LTBP1: variants seen among roughly 807,000 people sequenced by gnomAD.
The protein encoded by LTBP1 is latent-transforming growth factor beta-binding protein 1.
A neutral mutation model predicts 207.6 loss-of-function variants in LTBP1; 129 were observed. The observed-to-expected ratio is 0.62, with a 90% CI of 0.54 to 0.72. The LOEUF is 0.72. Among genes scored for constraint, LTBP1 ranks in the 30% least tolerant of loss-of-function variants. The pLI, the probability that LTBP1 is intolerant of heterozygous loss-of-function variation, is 0.00. For missense variants in LTBP1, 2,281 were observed against 2,217.2 expected (o/e 1.03, Z -0.58); for synonymous variants, 963 against 833.7 (o/e 1.16, Z -2.67).
intron 3 of LTBP1, among the ~76,000 whole-genome samples, chr2:33,102,904 T>C (rs1249597218): frequency 6.6e-6 from 1 of 151,850 alleles, no homozygotes; most frequent in Non-Finnish European, 1.5e-5. Context: ...GTCTGTATGC[T>C]GTATGCACTG....
intron 2 of LTBP1, among the ~76,000 whole-genome samples, chr2:32,984,692 G>A (rs962034788): frequency 3.3e-5 from 5 of 151,810 alleles, no homozygotes; most frequent in African/African-American, 9.7e-5. Context: ...AGGCCGAGGC[G>A]GATGGATCAC....
intron 9 of LTBP1, among the ~76,000 whole-genome samples, chr2:33,233,555 T>G (rs921417286): frequency 1.3e-5 from 2 of 152,120 alleles, no homozygotes; most frequent in African/African-American, 4.8e-5. Flanking sequence ...ATTAAAATTT[T>G]TAATTGGGTT....
intron 17 of LTBP1, 136 bp downstream of exon 17, chr2:33,275,226 G>T: frequency 1.0e-6 from 1 of 1,002,800 alleles, no homozygotes; most frequent in Non-Finnish European, 1.4e-6. Context: ...CAGTCTGCTA[G>T]ATCCCAGGTG....
rs926337730 is a variant in LTBP1 at position 33,091,872 on chromosome 2, CAG to C, written c.864-18707_864-18706del. Among the ~76,000 whole-genome samples, 108 of 152,284 alleles carry C rather than the reference CAG, an allele frequency of 7.1e-4. 1 individual carries two copies. Among genetic ancestry groups the C allele is most frequent in the Non-Finnish European group, 5.6e-4 (38 of 68,020 alleles). On this transcript the variant is annotated intron_variant, in intron 3 of 33. Transcript: ENST00000404816. The stretch of plus-strand genomic sequence containing the variant: ...TTGGTGCTGTTTGGAGTTCCACTTT[CAG>C]AGTGAATTTTCATTCTGATGTTCCC...
intron 9 of LTBP1, among the ~76,000 whole-genome samples, chr2:33,228,697 C>CTTTTTTTTTTTTTTTTT (rs1244221993): frequency 0.032 from 3,206 of 98,898 alleles, 698 homozygotes; most frequent in Non-Finnish European, 0.038. Context: ...GGGTTATACC[C>CTTTTTTTTTTTTTTTTT]TTTTTTTTTT....
chr2:33,228,349 A>C (rs2091569918), intron 9 of LTBP1, among the ~76,000 whole-genome samples: 1 of 152,176 alleles, frequency 6.6e-6, no homozygotes, highest in South Asian at 2.1e-4. Context: ...TTTCTATTTA[A>C]AGTAGGCACT....
chr2:33,068,854 A>G (rs541324288), intron 3 of LTBP1, among the ~76,000 whole-genome samples: 12 of 152,334 alleles, frequency 7.9e-5, no homozygotes, highest in Non-Finnish European at 1.5e-4. Flanking sequence ...AGTACCCTCT[A>G]TGATACCCTC....
chr2:32,974,462 C>A (rs1479859338), intron 2 of LTBP1, among the ~76,000 whole-genome samples: 2 of 152,114 alleles, frequency 1.3e-5, no homozygotes, highest in Admixed American at 1.3e-4. Flanking sequence ...GTTGTTTGAG[C>A]TCCTTACATA....
intron 2 of LTBP1, among the ~76,000 whole-genome samples, chr2:32,954,478 C>CT (rs1677720178): frequency 1.3e-5 from 2 of 151,998 alleles, no homozygotes; most frequent in South Asian, 4.1e-4. Flanking sequence ...GTGTGTGTGT[C>CT]TGTCTCTGTG....
chr2:33,084,740 G>T (rs2078651930), intron 3 of LTBP1, among the ~76,000 whole-genome samples: 2 of 152,136 alleles, frequency 1.3e-5, no homozygotes, highest in Non-Finnish European at 2.9e-5. Context: ...TCATTATTCA[G>T]ATTGTACCAC....
chr2:33,044,307 C>G (rs2076341029), intron 3 of LTBP1, among the ~76,000 whole-genome samples: 1 of 151,924 alleles, frequency 6.6e-6, no homozygotes, highest in Non-Finnish European at 1.5e-5. Context: ...ATGTTCCCCT[C>G]CCTGTGTCCA....
At chr2:33,045,217 G>A (rs1038118667) in intron 3 of LTBP1, among the ~76,000 whole-genome samples, 4 of 152,068 alleles carry the variant, frequency 2.6e-5, no homozygotes, top group Non-Finnish European at 5.9e-5. Context: ...GTATTGCCTA[G>A]GTTTTCTTCT....
Position 32,947,766 on chromosome 2 carries a change from C to G in LTBP1, c.442C>G (p.Gln148Glu). The G allele has an allele frequency of 6.6e-7, 1 of 1,519,466 alleles. No individual in the cohort carries two copies. Among genetic ancestry groups the G allele is most frequent in the Non-Finnish European group, 8.8e-7 (1 of 1,132,098 alleles). 94.1% of individuals were successfully genotyped at this position (1,519,466 alleles called of 1,614,324 possible). A position where few individuals can be genotyped will look rare whatever the true frequency, so the allele number is the denominator to read the frequency against. Residue 148 changes from glutamine to glutamate, a missense_variant, in exon 1 of 34, where the codon CAG becomes GAG. This residue lies in a region of LTBP1 where 555 missense variants were observed against 491.0 expected (regional missense o/e 1.13). Transcript: ENST00000404816. Reference sequence around the variant, plus strand: ...GCGCTCCAAGGTGCCGCAGGAGACCCAGAGCGGCGGAGGCTCTAGGCTGCA... The same window carrying G: ...GCGCTCCAAGGTGCCGCAGGAGACCGAGAGCGGCGGAGGCTCTAGGCTGCA... The part of the protein sequence containing the change: ...VVRSKVPQET[Q>E]SGGGSRLQVH...
intron 5 of LTBP1, among the ~76,000 whole-genome samples, chr2:33,174,294 C>G (rs1032974168): frequency 6.6e-6 from 1 of 151,116 alleles, no homozygotes; most frequent in East Asian, 1.9e-4. Context: ...AGCTGATAAG[C>G]AACTTCAGCA....
chr2:33,261,185 C>T (rs1462772772), intron 13 of LTBP1, among the ~76,000 whole-genome samples: 4 of 152,096 alleles, frequency 2.6e-5, no homozygotes, highest in Non-Finnish European at 4.4e-5. Flanking sequence ...TCGACTGGAC[C>T]GTATTTGTTA....
intron 2 of LTBP1, among the ~76,000 whole-genome samples, chr2:32,966,634 A>G (rs774577678): frequency 6.6e-6 from 1 of 152,174 alleles, no homozygotes; most frequent in Non-Finnish European, 1.5e-5. Context: ...ATCTATTGAT[A>G]TGATCATGTG....
rs751541724 is a variant in LTBP1 at position 33,134,999 on chromosome 2, C to T, written c.1201+39C>T. 9.7e-6 allele frequency: 15 copies of T among 1,539,800 alleles called. No individual in the cohort carries two copies. In the African/African-American group the frequency reaches 1.2e-4, roughly 13 times the overall value. On this transcript the variant is annotated intron_variant, in intron 5 of 33. Coordinates refer to ENST00000404816, the MANE Select transcript of LTBP1 (RefSeq NM_206943.4). This position sits in a 1 kb window ranked among gnomAD's most constrained non-coding sequence, Gnocchi z 4.4. ...CGGTCCCTAACTGTCCTTACTGAGT[C>T]GAGTTTTATGAGATTGTAGCATTTA...
intron 2 of LTBP1, among the ~76,000 whole-genome samples, chr2:32,980,487 A>G (rs1682595540): frequency 6.6e-6 from 1 of 152,170 alleles, no homozygotes; most frequent in South Asian, 2.1e-4. Context: ...AAGAAAGCTA[A>G]TAACTTTATC....
intron 3 of LTBP1, among the ~76,000 whole-genome samples, chr2:33,059,921 T>C (rs72793708): frequency 1.3e-5 from 2 of 152,324 alleles, no homozygotes; most frequent in African/African-American, 2.4e-5. Flanking sequence ...GAAGACAAGC[T>C]ATTTCTAGAC....
Sources: gnomAD v4.1 joint callset for allele counts (sites outside exome capture counted in the v4.1 genomes callset) on GRCh38, gnomAD v4.1.1 for gene constraint, gnomAD v4.1.1 regional missense constraint, Gnocchi (gnomAD v3.1) non-coding constraint, MANE v1.5 for transcripts, NCBI Gene and HGNC (gene_info 2026-07-23, HGNC 2026-07-21) for gene names.